The following GRID2 variants were observed in gnomAD, a reference collection of about 807,000 sequenced individuals.
GRID2 encodes glutamate receptor ionotropic, delta-2.
A neutral mutation model predicts 114.8 loss-of-function variants in GRID2; 33 were observed. That is an observed-to-expected ratio of 0.29 (90% CI 0.22 to 0.38). The LOEUF is 0.38. GRID2 is among the 10% of genes least tolerant of loss of function. The pLI, the probability that GRID2 is intolerant of heterozygous loss-of-function variation, is 1.00. For synonymous variants in GRID2, 505 were observed against 449.9 expected (o/e 1.12, Z -1.55); for missense variants, 1,184 against 1,257.7 (o/e 0.94, Z 0.89).
At chr4:93,298,735 G>A (rs1305388654) in intron 8 of GRID2, among the ~76,000 whole-genome samples, 1 of 152,214 alleles carries the variant, frequency 6.6e-6, no homozygotes, top group Non-Finnish European at 1.5e-5. Flanking sequence ...CTCCAGTGCA[G>A]ATCTTCCTGA....
At chr4:92,974,472 G>T (rs534886070) in intron 2 of GRID2, among the ~76,000 whole-genome samples, 3,598 of 152,038 alleles carry the variant, frequency 0.024, 78 homozygotes, top group East Asian at 0.053. Context: ...ATTAAGAAAA[G>T]ATGGCACATA....
chr4:92,360,927 T>G (rs1728588843), intron 1 of GRID2, among the ~76,000 whole-genome samples: 2 of 152,020 alleles, frequency 1.3e-5, no homozygotes, highest in Non-Finnish European at 2.9e-5. Flanking sequence ...GTTAAATATT[T>G]GTGTTCTATT....
At chr4:92,776,286 A>G (rs1468780693) in intron 2 of GRID2, among the ~76,000 whole-genome samples, 1 of 152,122 alleles carries the variant, frequency 6.6e-6, no homozygotes, top group East Asian at 1.9e-4. Context: ...AGTATGACAC[A>G]CTCCAGGGCA....
chr4:93,782,892 TACACAC>T (rs57202855), intron 1 of GRID2, among the ~76,000 whole-genome samples: 69,643 of 149,704 alleles, frequency 0.47, 16,335 homozygotes, highest in East Asian at 0.74. Flanking sequence ...CCATGAATCA[TACACAC>T]ACACACACAC....
intron 13 of GRID2, among the ~76,000 whole-genome samples, chr4:93,614,649 C>A (rs1242757148): frequency 6.6e-6 from 1 of 151,912 alleles, no homozygotes; most frequent in African/African-American, 2.4e-5. Flanking sequence ...GATAGTAGTA[C>A]TAATTAAATA....
intron 8 of GRID2, among the ~76,000 whole-genome samples, chr4:93,256,955 T>C (rs916350285): frequency 1.3e-5 from 2 of 151,916 alleles, no homozygotes; most frequent in African/African-American, 2.4e-5. Flanking sequence ...CATACTTTTA[T>C]GTTGGCTGTA....
intron 2 of GRID2, among the ~76,000 whole-genome samples, chr4:93,023,668 A>G (rs937387229): frequency 2.6e-5 from 4 of 151,926 alleles, no homozygotes; most frequent in South Asian, 2.1e-4. Flanking sequence ...TAAGACATAT[A>G]TATCACATAT....
intron 5 of GRID2, among the ~76,000 whole-genome samples, chr4:93,209,916 TTGA>T (rs1352135527): frequency 1.3e-5 from 2 of 152,226 alleles, no homozygotes; most frequent in East Asian, 3.9e-4. Flanking sequence ...AAAGTGTCTG[TTGA>T]TGTCCTTTGC....
chr4:93,019,935 T>C (rs796561621), intron 2 of GRID2, among the ~76,000 whole-genome samples: 26 of 152,268 alleles, frequency 1.7e-4, no homozygotes, highest in African/African-American at 6.3e-4. Context: ...TAGTAAATGA[T>C]AGCATAGAGG....
At chr4:93,691,975 A>G (rs1266488493) in intron 14 of GRID2, among the ~76,000 whole-genome samples, 1 of 152,062 alleles carries the variant, frequency 6.6e-6, no homozygotes, top group East Asian at 1.9e-4. Flanking sequence ...CATTCATTCA[A>G]CAAATATTCA....
In GRID2 at chr4:92,630,186, C is replaced by T. The variant is rs559719411; in HGVS notation, c.244+39900C>T. ...AAATCACTGTTGAACATGGTGTAGC[C>T]GTTATCTACTGCTCTGATTATGTGT... On this transcript the variant is annotated intron_variant, in intron 2 of 15. Transcript: ENST00000282020. Among the ~76,000 whole-genome samples, 13 of 152,066 alleles carry T rather than the reference C, an allele frequency of 8.5e-5. No homozygotes were observed. In the South Asian group the frequency reaches 2.5e-3, roughly 29 times the overall value.
rs377379065 is a variant in GRID2, at chr4:92,553,334, G to A, written c.89-36797G>A. Among the ~76,000 whole-genome samples, 43 of 152,170 alleles carry A rather than the reference G, an allele frequency of 2.8e-4. No individual in the cohort carries two copies. The South Asian group carries it at 5.8e-3, about 21-fold the overall frequency. On this transcript the variant is annotated intron_variant, in intron 1 of 15. Transcript: ENST00000282020. ...AATCTGTCTTTGATAGCATAGGAAA[G>A]GATAATTCATATAAAAGCTGAAGAA...
chr4:92,830,854 T>G (rs943333682), intron 2 of GRID2, among the ~76,000 whole-genome samples: 4 of 152,182 alleles, frequency 2.6e-5, no homozygotes, highest in Non-Finnish European at 5.9e-5. Context: ...ATCTGGGTAT[T>G]GCAATAATTC....
At chr4:93,226,013 G>A (rs1230087795) in intron 7 of GRID2, among the ~76,000 whole-genome samples, 3 of 152,228 alleles carry the variant, frequency 2.0e-5, no homozygotes, top group African/African-American at 7.2e-5. Flanking sequence ...ATCTATTTAC[G>A]AGGTGGCATC....
intron 1 of GRID2, among the ~76,000 whole-genome samples, chr4:92,466,765 A>T (rs892748860): frequency 3.3e-5 from 5 of 151,702 alleles, no homozygotes; most frequent in Admixed American, 2.6e-4. Flanking sequence ...TTAGAAGATG[A>T]TATCAAAATA....
intron 11 of GRID2, among the ~76,000 whole-genome samples, chr4:93,472,848 A>T (rs1724972280): frequency 6.6e-6 from 1 of 152,184 alleles, no homozygotes; most frequent in African/African-American, 2.4e-5. Flanking sequence ...AGGTTATGAG[A>T]CTTGAAATAG....
At chr4:93,725,554 G>A (rs558329443) in intron 14 of GRID2, among the ~76,000 whole-genome samples, 9,900 of 151,492 alleles carry the variant, frequency 0.065, 347 homozygotes, top group Middle Eastern at 0.088. Context: ...CTGAGGAATC[G>A]CCACACTGAC....
chr4:92,346,104 C>A (rs545072988), intron 1 of GRID2, among the ~76,000 whole-genome samples: 1 of 152,282 alleles, frequency 6.6e-6, no homozygotes, highest in African/African-American at 2.4e-5. Flanking sequence ...CAGCTCTTAC[C>A]TATAAGCCAT....
At chr4:93,638,570 G>C (rs1721646390) in intron 14 of GRID2, among the ~76,000 whole-genome samples, 1 of 13,904 alleles carries the variant, frequency 7.2e-5, no homozygotes, top group East Asian at 9.5e-4. Flanking sequence ...TTGGTTTTTT[G>C]TTCTTGCGAT....
Sources: allele counts gnomAD v4.1 joint callset (sites outside exome capture counted in the v4.1 genomes callset), GRCh38; gene constraint gnomAD v4.1.1; transcripts MANE v1.5; gene names NCBI Gene and HGNC (gene_info 2026-07-23, HGNC 2026-07-21).